Variants in VPS35L observed in about 807,000 individuals in gnomAD.
VPS35L encodes VPS35 endosomal protein-sorting factor-like.
VPS35L carries 83 observed loss-of-function variants against 133.0 expected under a neutral mutation model. The ratio of observed to expected loss-of-function variants is 0.62; its 90% CI spans 0.52 to 0.75. The LOEUF is 0.75. Among genes scored for constraint, VPS35L ranks in the 30% least tolerant of loss-of-function variants. VPS35L has a pLI of 0.00. For synonymous variants in VPS35L, 423 were observed against 449.9 expected, an observed-to-expected ratio of 0.94 and a Z score of 0.76; for missense variants, 1,083 against 1,206.8, an observed-to-expected ratio of 0.90 and a Z score of 1.52.
chr16:19,686,837 G>A (rs184380798), intron 28 of VPS35L, among the ~76,000 whole-genome samples: 220 of 152,120 alleles, frequency 1.4e-3, no homozygotes, highest in South Asian at 4.8e-3. Flanking sequence ...TTAGGACTCA[G>A]TCCAGGTCTC....
In VPS35L at chr16:19,664,456, G is replaced by T. The variant is rs146058497; in HGVS notation, c.2222-4704G>T. Among the ~76,000 whole-genome samples, 359 of 152,052 alleles carry T rather than the reference G, an allele frequency of 2.4e-3. 2 individuals carry two copies. The highest frequency in any genetic ancestry group is 8.0e-3 in the African/African-American group (330 of 41,468). On this transcript the variant is annotated intron_variant, in intron 26 of 30. Transcript: ENST00000417362. ...GAAGTCCCTTTTTCAAGAAAAAGGGGTCTCAAATACAGTGACTGTAGTGTT... is the reference window on the plus strand; with the variant it reads ...GAAGTCCCTTTTTCAAGAAAAAGGGTTCTCAAATACAGTGACTGTAGTGTT...
At chr16:19,614,663 G>A (rs1407796424) in intron 12 of VPS35L, among the ~76,000 whole-genome samples, 1 of 152,192 alleles carries the variant, frequency 6.6e-6, no homozygotes, top group Admixed American at 6.5e-5. Context: ...GGCCCACCTG[G>A]GCCTCCCAAA....
chr16:19,616,601 T>A, intron 13 of VPS35L, 85 bp from the exon 14 acceptor site: 3 of 1,522,914 alleles, frequency 2.0e-6, no homozygotes, highest in Non-Finnish European at 8.9e-7. Flanking sequence ...TGCTTACAAG[T>A]ATGCACAGTC....
At chr16:19,577,816 G>C (rs1337691928) in intron 5 of VPS35L, among the ~76,000 whole-genome samples, 1 of 152,208 alleles carries the variant, frequency 6.6e-6, no homozygotes, top group African/African-American at 2.4e-5. Flanking sequence ...CACAGCAGGA[G>C]GGCATCATCT....
intron 8 of VPS35L, among the ~76,000 whole-genome samples, chr16:19,601,181 G>A (rs1205861445): frequency 3.3e-5 from 5 of 152,134 alleles, no homozygotes; most frequent in Non-Finnish European, 5.9e-5. Flanking sequence ...TTCCTGCCTC[G>A]GCTTCCCAAA....
In VPS35L at chr16:19,579,122, T is replaced by C. The variant is rs11866050; in HGVS notation, c.504T>C (p.Phe168=). The C allele has an allele frequency of 0.027, 43,546 of 1,613,636 alleles. 1,436 individuals carry two copies. The highest frequency in any genetic ancestry group is 0.17 in the African/African-American group (12,434 of 74,998). ...VRTRLEELDD[F]EEGSQKELLN... is the part of the protein sequence containing the mutation. Reference sequence around the variant, plus strand: ...CCCGGCTGGAGGAGCTGGATGACTTTGAGGAGGTGAGCAAGTCATTTGTGG... The same window carrying C: ...CCCGGCTGGAGGAGCTGGATGACTTCGAGGAGGTGAGCAAGTCATTTGTGG... Residue 168 remains phenylalanine (F), a synonymous_variant, in exon 6 of 31, where the codon TTT becomes TTC. Transcript: ENST00000417362.
In VPS35L at chr16:19,574,600, CTT is replaced by C. The variant is rs541596928; in HGVS notation, c.409-487_409-486del. Among the ~76,000 whole-genome samples the C allele has an allele frequency of 2.2e-3, 318 of 145,406 alleles. 1 individual carries two copies. Among genetic ancestry groups the C allele is most frequent in the African/African-American group, 7.1e-3 (282 of 39,788 alleles). On this transcript the variant is annotated intron_variant, in intron 4 of 30. Coordinates refer to ENST00000417362, the MANE Select transcript of VPS35L (RefSeq NM_020314.7). ...AATTGCTGGACTATTTAAATTGAGT[CTT>C]TTTTTTTTTTAACTGTACAGAGTTA...
In VPS35L at chr16:19,640,153, C is replaced by A; in HGVS notation, c.1784+53C>A. On this transcript the variant is annotated intron_variant, in intron 21 of 30. Transcript: ENST00000417362. ...CTTGATTCCCAATGTCCTTGTGAAA[C>A]CTGTTGATAAAAAATCAGTTCTTGC... 2.0e-6 allele frequency: 3 copies of A among 1,524,750 alleles called. No homozygotes were observed. In the South Asian group the frequency reaches 3.4e-5, roughly 18 times the overall value. 94.5% of individuals were successfully genotyped at this position (1,524,750 alleles called of 1,614,324 possible). A position where few individuals can be genotyped will look rare whatever the true frequency, so the allele number is the denominator to read the frequency against.
rs533080455 is a variant in VPS35L, at chr16:19,624,093, C to T, written c.1225-2084C>T. The stretch of plus-strand genomic sequence containing the variant: ...TGCTGGGATTACAGGCATGAGCCAT[C>T]GTGCCTACCAGGTCTTTTTTTTTTT... On this transcript the variant is annotated intron_variant, in intron 14 of 30. Transcript: ENST00000417362. Among the ~76,000 whole-genome samples, 20 of 139,644 alleles carry T rather than the reference C, an allele frequency of 1.4e-4. No homozygotes were observed. The South Asian group carries it at 4.0e-3, about 28-fold the overall frequency. The allele number at this position is 139,644 out of a possible 152,430, so 91.6% of individuals were successfully genotyped here.
At chr16:19,594,644 CAAAAAAAAAAAAAAAA>C (rs57187565) in intron 8 of VPS35L, among the ~76,000 whole-genome samples, 4 of 31,500 alleles carry the variant, frequency 1.3e-4, no homozygotes, top group Non-Finnish European at 1.9e-4. Flanking sequence ...GATTTCGTCT[CAAAAAAAAAAAAAAAA>C]AAAAAAAAAA....
intron 12 of VPS35L, among the ~76,000 whole-genome samples, chr16:19,615,181 C>A (rs1422799354): frequency 6.6e-6 from 1 of 152,120 alleles, no homozygotes; most frequent in African/African-American, 2.4e-5. Context: ...ATTGTATGCA[C>A]AATCTTGAGA....
intron 8 of VPS35L, among the ~76,000 whole-genome samples, chr16:19,597,174 T>C (rs1972242861): frequency 6.6e-6 from 1 of 151,658 alleles, no homozygotes; most frequent in South Asian, 2.1e-4. Context: ...TTCAAGACCA[T>C]CCTGGGCAGC....
intron 15 of VPS35L, 66 bp downstream of exon 15, chr16:19,626,289 G>A: frequency 8.2e-7 from 1 of 1,226,662 alleles, no homozygotes; most frequent in Non-Finnish European, 1.2e-6. Context: ...TTTGAGCTTG[G>A]CCTGCTTACC....
At position 19,669,161 on chromosome 16, in the gene VPS35L, T is replaced by C. The variant is rs1269172569; in HGVS notation, c.2223T>C (p.Ala741=). 6.2e-7 allele frequency: 1 copy of C among 1,602,776 alleles called. No individual in the cohort carries two copies. The highest frequency in any genetic ancestry group is 1.1e-5 in the South Asian group (1 of 89,836). ...TGACTTTTATCTTCTGTCTTGCAGC[T>C]GATGCTTTTTTCAAAGCCGCTATAA... ...VALANQCLSQ[A]DAFFKAAISL... is the part of the protein sequence containing the mutation. Residue 741 remains alanine, a splice_region_variant and synonymous_variant, in exon 27 of 31, where the codon GCT becomes GCC. Coordinates refer to ENST00000417362, the MANE Select transcript of VPS35L (RefSeq NM_020314.7).
chr16:19,622,134 G>A (rs1288160993), intron 14 of VPS35L, among the ~76,000 whole-genome samples: 3 of 126,198 alleles, frequency 2.4e-5, no homozygotes, highest in African/African-American at 6.2e-5. Context: ...GGATCTCCAT[G>A]TATATCTTTT....
At chr16:19,683,311 TATA>T (rs1398494897) in intron 28 of VPS35L, among the ~76,000 whole-genome samples, 2 of 152,190 alleles carry the variant, frequency 1.3e-5, no homozygotes, top group South Asian at 2.1e-4. Context: ...AAAAAATAAT[TATA>T]ATAATTTCAA....
chr16:19,560,478 T>G (rs1970993422), intron 1 of VPS35L, among the ~76,000 whole-genome samples: 1 of 152,204 alleles, frequency 6.6e-6, no homozygotes. Context: ...AACATTCTAC[T>G]TTTCTTGACA....
intron 27 of VPS35L, among the ~76,000 whole-genome samples, chr16:19,681,880 CT>C (rs5816064): frequency 0.48 from 73,362 of 151,454 alleles, 20,136 homozygotes; most frequent in African/African-American, 0.76. Flanking sequence ...ACAGGGCTTC[CT>C]TTTTTTTTAA....
intron 7 of VPS35L, among the ~76,000 whole-genome samples, chr16:19,586,681 T>C (rs1248582468): frequency 6.6e-6 from 1 of 152,200 alleles, no homozygotes; most frequent in Non-Finnish European, 1.5e-5. Context: ...TTTCTCATTT[T>C]AGCTTATGCT....
Sources: allele counts gnomAD v4.1 joint callset (sites outside exome capture counted in the v4.1 genomes callset), GRCh38; gene constraint gnomAD v4.1.1; transcripts MANE v1.5; gene names NCBI Gene and HGNC (gene_info 2026-07-23, HGNC 2026-07-21).